HLTF: variants seen among roughly 807,000 people sequenced by gnomAD.
HLTF encodes DNA-dependent ATPase/E3 ubiquitin-protein ligase HLTF.
A neutral mutation model predicts 129.4 loss-of-function variants in HLTF; 127 were observed. That is an observed-to-expected ratio of 0.98 (90% CI 0.85 to 1.14). The LOEUF is 1.14. Among genes scored for constraint, HLTF ranks in the 50% most tolerant of loss-of-function variants. HLTF has a pLI of 0.00. For missense variants in HLTF, 1,139 were observed against 1,187.1 expected (o/e 0.96, Z 0.60); for synonymous variants, 332 against 388.8 (o/e 0.85, Z 1.72).
chr3:149,059,779 C>T lies in HLTF; in HGVS notation c.1314G>A (p.Val438=), dbSNP rs1168276667. The T allele has an allele frequency of 1.2e-6, 2 of 1,600,990 alleles. No individual in the cohort carries two copies. The highest frequency in any genetic ancestry group is 1.7e-6 in the Non-Finnish European group (2 of 1,175,360). Residue 438 remains valine, a synonymous_variant, in exon 13 of 25, where the codon GTG becomes GTA. Transcript: ENST00000310053. ...KAGSSKVIED[V]AFACALTSSV... ...ATGAAGTTAATGCACATGCAAATGC[C>T]ACATCTTCTATAACCTTAGAAGATC...
At position 149,048,862 on chromosome 3, in the gene HLTF, C is replaced by T. The variant is rs1334338646; in HGVS notation, c.1756+1G>A. 6.2e-7 allele frequency: 1 copy of T among 1,610,726 alleles called. No homozygotes were observed. Among genetic ancestry groups the T allele is most frequent in the East Asian group, 2.2e-5 (1 of 44,810 alleles). On this transcript the variant is annotated splice_donor_variant, in intron 16 of 24. Transcript: ENST00000310053. LOFTEE classifies it high-confidence loss of function. Reference sequence around the variant, plus strand: ...TTTAGTAAGTTTAATGCTATGATTACCTGTCAAAACCCATCTTCTTTCTGA... The same window carrying T: ...TTTAGTAAGTTTAATGCTATGATTATCTGTCAAAACCCATCTTCTTTCTGA...
In HLTF at chr3:149,032,155, CTG is replaced by C. The variant is rs375281125; in HGVS notation, c.*63_*64del. On this transcript the variant is annotated 3_prime_UTR_variant, in exon 25 of 25. Transcript: ENST00000310053. ...TTCTCTAGATCTCATTTCTAAAACTCTGTATTTTTCTCATTTCTAAAACTTAA... is the reference window on the plus strand; with the variant it reads ...TTCTCTAGATCTCATTTCTAAAACTCTATTTTTCTCATTTCTAAAACTTAA... The C allele has an allele frequency of 4.2e-4, 519 of 1,231,336 alleles. 6 individuals carry two copies. The African/African-American group carries it at 7.0e-3, about 17-fold the overall frequency. 76.3% of individuals were successfully genotyped at this position (1,231,336 alleles called of 1,614,324 possible).
intron 23 of HLTF, among the ~76,000 whole-genome samples, chr3:149,036,090 G>A (rs766637045): frequency 4.0e-5 from 6 of 151,332 alleles, no homozygotes; most frequent in African/African-American, 1.5e-4. Flanking sequence ...AGCCGAGATC[G>A]CGCCACTGCA....
In HLTF at chr3:149,060,665, A is replaced by G; in HGVS notation, c.1263T>C (p.Ser421=). The part of the protein sequence containing the change: ...KMKGKLKNVQ[S]ETKGRAKAGS... ...TACCTTTCGCCCTGCCTTTAGTTTCAGACTGTACATTTTTCAGTTTGCCTA... is the reference window on the plus strand; with the variant it reads ...TACCTTTCGCCCTGCCTTTAGTTTCGGACTGTACATTTTTCAGTTTGCCTA... The change falls in exon 12 of 25, where the codon TCT becomes TCC. Residue 421 remains serine (S), a synonymous_variant. Transcript: ENST00000310053. 6.2e-7 allele frequency: 1 copy of G among 1,613,206 alleles called. No homozygotes were observed. The highest frequency in any genetic ancestry group is 1.3e-5 in the African/African-American group (1 of 75,028).
chr3:149,073,650 G>A (rs1055525696), intron 4 of HLTF, among the ~76,000 whole-genome samples: 4 of 152,180 alleles, frequency 2.6e-5, no homozygotes, highest in East Asian at 3.9e-4. Context: ...GCCACTGATC[G>A]TGGCCACTGT....
chr3:149,037,672 T>C (rs1463226246), intron 23 of HLTF, among the ~76,000 whole-genome samples: 1 of 152,150 alleles, frequency 6.6e-6, no homozygotes, highest in Non-Finnish European at 1.5e-5. Context: ...TATATCTCAG[T>C]AGTATTCCTA....
chr3:149,048,187 T>A, intron 16 of HLTF, 24 bp from the exon 17 acceptor site: 1 of 1,582,918 alleles, frequency 6.3e-7, no homozygotes, highest in Middle Eastern at 2.1e-4. Context: ...GAAACTGTTA[T>A]AACTCTTTAA....
Position 149,034,987 on chromosome 3 carries a change from A to C in HLTF, c.2808T>G (p.Pro936=), listed in dbSNP as rs1163371784. Residue 936 remains proline, a synonymous_variant, in exon 24 of 25, where the codon CCT becomes CCG. Transcript: ENST00000310053. The part of the protein sequence containing the change: ...RVFLMDPAWN[P]AAEDQCFDRC... ...TGTCAAAGCACTGATCTTCAGCAGC[A>C]GGATTCCAGGCCTAACAAGAACATG... The C allele has an allele frequency of 6.2e-6, 10 of 1,613,144 alleles. No individual in the cohort carries two copies. The highest frequency in any genetic ancestry group is 8.5e-6 in the Non-Finnish European group (10 of 1,179,168).
intron 8 of HLTF, among the ~76,000 whole-genome samples, chr3:149,065,393 T>C (rs896690323): frequency 1.2e-4 from 19 of 152,224 alleles, no homozygotes; most frequent in Admixed American, 1.2e-3. Flanking sequence ...TTTTCCAATG[T>C]ACCTTTGTTT....
chr3:149,057,605 G>A (rs149134497), intron 13 of HLTF, among the ~76,000 whole-genome samples: 146 of 152,298 alleles, frequency 9.6e-4, no homozygotes, highest in South Asian at 1.9e-3. Flanking sequence ...ACTGAGGGAT[G>A]ACTGTACTGT....
intron 23 of HLTF, among the ~76,000 whole-genome samples, chr3:149,038,687 T>A (rs1715855515): frequency 6.6e-6 from 1 of 152,022 alleles, no homozygotes; most frequent in Non-Finnish European, 1.5e-5. Flanking sequence ...TTCTGGTACT[T>A]TTTTTTGTAG....
At chr3:149,073,352 C>A in intron 4 of HLTF, 30 bp from the exon 5 acceptor site, 1 of 1,458,532 alleles carries the variant, frequency 6.9e-7, no homozygotes, top group Non-Finnish European at 9.5e-7. Flanking sequence ...AAGAATAAAG[C>A]CATCAAATAA....
intron 7 of HLTF, 41 bp downstream of exon 7, chr3:149,071,211 C>A: frequency 7.9e-7 from 1 of 1,269,760 alleles, no homozygotes; most frequent in South Asian, 1.5e-5. Context: ...AAATCATAAT[C>A]ACAAAATTAG....
At chr3:149,036,066 C>T (rs1260316248) in intron 23 of HLTF, among the ~76,000 whole-genome samples, 1 of 151,086 alleles carries the variant, frequency 6.6e-6, no homozygotes, top group African/African-American at 2.4e-5. Context: ...ACCCAGGAGG[C>T]GGAGCTGGCA....
At chr3:149,065,081 A>T (rs1318519342) in intron 8 of HLTF, among the ~76,000 whole-genome samples, 1 of 152,038 alleles carries the variant, frequency 6.6e-6, no homozygotes, top group Non-Finnish European at 1.5e-5. Context: ...AAAAAAAAAT[A>T]AATAAAACTA....
chr3:149,070,024 G>A (rs949236543), intron 7 of HLTF, among the ~76,000 whole-genome samples: 8 of 152,154 alleles, frequency 5.3e-5, no homozygotes, highest in African/African-American at 1.9e-4. Flanking sequence ...AATGCCTGGT[G>A]TTATAAAATC....
chr3:149,049,028 A>G (rs1319866746), intron 15 of HLTF, 27 bp from the exon 16 acceptor site: 1 of 1,493,680 alleles, frequency 6.7e-7, no homozygotes, highest in South Asian at 1.2e-5. Context: ...ATATGAATTA[A>G]AAAACACAGG....
At chr3:149,076,263 C>T (rs1260788089) in intron 2 of HLTF, among the ~76,000 whole-genome samples, 2 of 152,056 alleles carry the variant, frequency 1.3e-5, no homozygotes, top group African/African-American at 4.8e-5. Flanking sequence ...AGGAAGTTAA[C>T]AAATCCTTAA....
chr3:149,071,277 C>A lies in HLTF; in HGVS notation c.869G>T (p.Gly290Val). 6.3e-7 allele frequency: 1 copy of A among 1,585,470 alleles called. No homozygotes were observed. The highest frequency in any genetic ancestry group is 1.8e-5 in the Admixed American group (1 of 54,848). ...EKDRPENVHG[G>V]ILADDMGLGK... is the part of the protein sequence containing the mutation. ...CAAACCCATATCATCAGCTAAAATTCCTCCATGGACATTTTCTGGTCGGTC... is the reference window on the plus strand; with the variant it reads ...CAAACCCATATCATCAGCTAAAATTACTCCATGGACATTTTCTGGTCGGTC... Residue 290 changes from glycine (G) to valine (V), a missense_variant, in exon 7 of 25, where the codon GGA becomes GTA. Coordinates refer to ENST00000310053, the MANE Select transcript of HLTF (RefSeq NM_003071.4).
Sources: gnomAD v4.1 joint callset for allele counts (sites outside exome capture counted in the v4.1 genomes callset) on GRCh38, gnomAD v4.1.1 for gene constraint, MANE v1.5 for transcripts, NCBI Gene and HGNC (gene_info 2026-07-23, HGNC 2026-07-21) for gene names.